BEST1: variants seen among roughly 807,000 people sequenced by gnomAD.
BEST1 encodes bestrophin 1.
Under a neutral mutation model 63.3 loss-of-function variants are expected in BEST1, and 58 were observed. The observed-to-expected ratio is 0.92, with a 90% CI of 0.74 to 1.14. BEST1 has a LOEUF of 1.14. BEST1 is among the 50% of genes most tolerant of loss of function. The probability of loss-of-function intolerance (pLI) is 0.00; values close to 1 mark genes in which losing one functional copy is unlikely to be tolerated. For synonymous variants in BEST1, 283 were observed against 291.6 expected (o/e 0.97, Z 0.30); for missense variants, 671 against 740.1 (o/e 0.91, Z 1.08).
chr11:61,961,988 T>C, intron 9 of BEST1: 1 of 526,870 alleles, frequency 1.9e-6, no homozygotes, highest in Non-Finnish European at 3.4e-6. Flanking sequence ...AGGAGGCCTT[T>C]ACACGCCAGG....
At chr11:61,951,724 G>C in intron 1 of BEST1, 47 bp from the exon 2 acceptor site, 1 of 1,575,762 alleles carries the variant, frequency 6.3e-7, no homozygotes, top group Non-Finnish European at 8.6e-7. Context: ...GCTCTGACCA[G>C]GGCCTCTGAT....
At chr11:61,963,425 C>T (rs1942285041) in intron 10 of BEST1, 1 of 1,179,576 alleles carries the variant, frequency 8.5e-7, no homozygotes, top group Non-Finnish European at 1.1e-6. Context: ...AGGTCATTTT[C>T]TCACTGCCTG....
chr11:61,955,913 A>T lies in BEST1; in HGVS notation c.443A>T (p.Tyr148Phe), dbSNP rs760471818. Residue 148 changes from tyrosine (Y) to phenylalanine (F), a missense_variant, in exon 4 of 11, where the codon TAC (tyrosine) becomes TTC (phenylalanine). Physicochemically the swap from Tyr to Phe is conservative, Grantham distance 22 (BLOSUM62 3). Coordinates refer to ENST00000378043, the MANE Select transcript of BEST1 (RefSeq NM_004183.4). ...LILRSVSTAV[Y>F]KRFPSAQHLV... Reference sequence around the variant, plus strand: ...CTGCGCAGCGTCAGCACCGCAGTCTACAAGCGCTTCCCCAGCGCCCAGCAC... The same window carrying T: ...CTGCGCAGCGTCAGCACCGCAGTCTTCAAGCGCTTCCCCAGCGCCCAGCAC... 40 of 1,550,014 alleles carry T rather than the reference A, an allele frequency of 2.6e-5. No homozygotes were observed. Among genetic ancestry groups the T allele is most frequent in the Non-Finnish European group, 3.2e-5 (37 of 1,146,764 alleles).
In BEST1 at chr11:61,963,637, T is replaced by C. The variant is rs577361947; in HGVS notation, c.1740-467T>C. On this transcript the variant is annotated intron_variant, in intron 10 of 10. Transcript: ENST00000378043. Reference sequence around the variant, plus strand: ...TACTTTCACGGTCAGAACACGCAGCTATTATGATTGAAAACTTAAAAGGGC... The same window carrying C: ...TACTTTCACGGTCAGAACACGCAGCCATTATGATTGAAAACTTAAAAGGGC... 1.1e-5 allele frequency: 12 copies of C among 1,050,670 alleles called. No individual in the cohort carries two copies. In the African/African-American group the frequency reaches 1.9e-4, roughly 16 times the overall value. 65.1% of individuals were successfully genotyped at this position (1,050,670 alleles called of 1,614,324 possible).
intron 9 of BEST1, chr11:61,961,021 C>CT (rs879538872): frequency 8.4e-4 from 118 of 139,760 alleles, no homozygotes; most frequent in Admixed American, 1.5e-3. Context: ...TTGTTCTTTT[C>CT]TTTTTTTTTT....
At chr11:61,959,731 C>A in intron 8 of BEST1, 153 bp downstream of exon 8, 1 of 1,322,880 alleles carries the variant, frequency 7.6e-7, no homozygotes, top group Non-Finnish European at 1.1e-6. Flanking sequence ...AGGATTCTCA[C>A]CTCAATCTTT....
intron 10 of BEST1, chr11:61,963,220 T>C: frequency 7.1e-7 from 1 of 1,401,106 alleles, no homozygotes; most frequent in Non-Finnish European, 9.3e-7. Context: ...TGAGCAGATG[T>C]TATCACTGGC....
downstream of BEST1, chr11:61,964,925 G>A: frequency 6.2e-7 from 1 of 1,613,538 alleles, no homozygotes; most frequent in Non-Finnish European, 8.5e-7. Context: ...TTAGTGGGCA[G>A]CTTTCCCAAT....
intron 3 of BEST1, 83 bp from the exon 4 acceptor site, chr11:61,955,635 G>A: frequency 7.1e-7 from 1 of 1,414,448 alleles, no homozygotes; most frequent in Non-Finnish European, 9.7e-7. Context: ...AGCTGGAGGA[G>A]CCGAGGCATC....
chr11:61,960,972 C>T (rs1237801732), intron 9 of BEST1: 1 of 152,128 alleles, frequency 6.6e-6, no homozygotes. Context: ...AGGGTTCATA[C>T]TCAAGGGTTT....
intron 10 of BEST1, chr11:61,963,852 C>G: frequency 7.6e-7 from 1 of 1,309,092 alleles, no homozygotes; most frequent in East Asian, 3.3e-5. Flanking sequence ...AAAAAAAATA[C>G]AAATCAGCTG....
chr11:61,956,877 A>T lies in BEST1; in HGVS notation c.515A>T (p.Glu172Val). ...FMTPAEHKQL[E>V]KLSLPHNMFW... ...ACTCCGGCAGAACACAAGCAGTTGGAGAAACTGAGCCTACCACACAACATG... is the reference window on the plus strand; with the variant it reads ...ACTCCGGCAGAACACAAGCAGTTGGTGAAACTGAGCCTACCACACAACATG... Residue 172 changes from glutamate (E) to valine (V), a missense_variant, in exon 5 of 11, where the codon GAG becomes GTG. Transcript: ENST00000378043. 6.2e-7 allele frequency: 1 copy of T among 1,614,124 alleles called. No homozygotes were observed. Among genetic ancestry groups the T allele is most frequent in the East Asian group, 2.2e-5 (1 of 44,872 alleles).
In BEST1 at chr11:61,956,896, C is replaced by T. The variant is rs1591288952; in HGVS notation, c.534C>T (p.His178=). The change falls in exon 5 of 11, where the codon CAC becomes CAT. Residue 178 remains histidine, a synonymous_variant. Transcript: ENST00000378043. ...HKQLEKLSLP[H]NMFWVPWVWF... ...AGTTGGAGAAACTGAGCCTACCACA[C>T]AACATGTTCTGGGTGCCCTGGGTGT... 3.1e-6 allele frequency: 5 copies of T among 1,614,106 alleles called. No individual in the cohort carries two copies. The highest frequency in any genetic ancestry group is 4.2e-6 in the Non-Finnish European group (5 of 1,179,994).
chr11:61,956,559 A>AG (rs1366050319), intron 4 of BEST1, among the ~76,000 whole-genome samples: 3 of 152,130 alleles, frequency 2.0e-5, no homozygotes, highest in Non-Finnish European at 4.4e-5. Context: ...CGGGAGGCTG[A>AG]GGCAGGAGGA....
intron 2 of BEST1, among the ~76,000 whole-genome samples, chr11:61,954,084 C>T (rs1941008961): frequency 6.6e-6 from 1 of 152,170 alleles, no homozygotes; most frequent in South Asian, 2.1e-4. Flanking sequence ...ATACAAAGCA[C>T]ATTGGTCTTT....
Position 61,962,458 on chromosome 11 carries a change from A to T in BEST1, c.1304A>T (p.Asn435Ile), listed in dbSNP as rs1436711610. The change falls in exon 10 of 11, where the codon AAC becomes ATC. Residue 435 changes from asparagine to isoleucine, a missense_variant. By Grantham distance (149) the Asn-to-Ile change is moderately radical (BLOSUM62 -3). Coordinates refer to ENST00000378043, the MANE Select transcript of BEST1 (RefSeq NM_004183.4). The part of the protein sequence containing the change: ...LPKNHKAAKQ[N>I]VRGQEDNKAW... Reference sequence around the variant, plus strand: ...AAAAACCACAAGGCAGCCAAACAGAACGTTAGGGGCCAGGAAGACAACAAG... The same window carrying T: ...AAAAACCACAAGGCAGCCAAACAGATCGTTAGGGGCCAGGAAGACAACAAG... The T allele has an allele frequency of 6.2e-7, 1 of 1,614,108 alleles. No individual in the cohort carries two copies.
downstream of BEST1, chr11:61,964,823 G>T: frequency 1.2e-6 from 2 of 1,600,790 alleles, no homozygotes; most frequent in Non-Finnish European, 1.7e-6. Context: ...AGTTGGTCAC[G>T]TGGTCACCCA....
rs757181644 is a variant in BEST1, at chr11:61,962,737, A to T, written c.1583A>T (p.Glu528Val). Reference sequence around the variant, plus strand: ...GATGGGGCCTTGATGGAGCACCCAGAAGTATCTCAAGTGAGGAGGAAAACT... The same window carrying T: ...GATGGGGCCTTGATGGAGCACCCAGTAGTATCTCAAGTGAGGAGGAAAACT... Reference protein sequence around the residue: ...ESDGALMEHPEVSQVRRKTVE... With the variant: ...ESDGALMEHPVVSQVRRKTVE... Residue 528 changes from glutamate to valine, a missense_variant, in exon 10 of 11, where the codon GAA (glutamate) becomes GTA (valine). Physicochemically the swap from Glu to Val is moderately radical, Grantham distance 121. Coordinates refer to ENST00000378043, the MANE Select transcript of BEST1 (RefSeq NM_004183.4). 6.2e-7 allele frequency: 1 copy of T among 1,614,232 alleles called. No individual in the cohort carries two copies. The highest frequency in any genetic ancestry group is 8.5e-7 in the Non-Finnish European group (1 of 1,180,042).
intron 6 of BEST1, 78 bp downstream of exon 6, chr11:61,957,542 G>A (rs1325535914): frequency 2.1e-6 from 3 of 1,405,154 alleles, no homozygotes; most frequent in African/African-American, 1.6e-5. Context: ...GGGTGGGAAG[G>A]GCTCACCTAG....
Sources: gnomAD v4.1 joint callset for allele counts (sites outside exome capture counted in the v4.1 genomes callset) on GRCh38, gnomAD v4.1.1 for gene constraint, MANE v1.5 for transcripts, NCBI Gene and HGNC (gene_info 2026-07-23, HGNC 2026-07-21) for gene names.